The following SAMD5 variants were observed in gnomAD, a reference collection of about 807,000 sequenced individuals.
SAMD5 encodes sterile alpha motif domain containing 5, also known as sterile alpha motif domain-containing protein 5.
In SAMD5, 13 loss-of-function variants were observed where a neutral mutation model predicts 11.3. The observed-to-expected ratio is 1.15, with a 90% confidence interval of 0.75 to 1.83. The LOEUF is 1.83. SAMD5 is among the 40% of genes most tolerant of loss of function. The pLI is 0.00. For synonymous variants in SAMD5, 129 were observed against 111.3 expected (o/e 1.16, Z -1.00); for missense variants, 255 against 239.1 (o/e 1.07, Z -0.44).
intron 1 of SAMD5, among the ~76,000 whole-genome samples, chr6:147,656,012 C>T (rs1009486931): frequency 1.3e-5 from 2 of 152,048 alleles, no homozygotes; most frequent in Non-Finnish European, 2.9e-5. Context: ...AAAATGTAAA[C>T]AAACACCAGA....
intron 1 of SAMD5, among the ~76,000 whole-genome samples, chr6:147,580,783 A>G (rs1789286362): frequency 6.6e-6 from 1 of 151,822 alleles, no homozygotes; most frequent in African/African-American, 2.4e-5. Flanking sequence ...TAGCTTTTAA[A>G]GACATAAATT....
the SAMD5 span, among the ~76,000 whole-genome samples, chr6:147,818,266 T>C: frequency 6.6e-6 from 1 of 152,128 alleles, no homozygotes; most frequent in African/African-American, 2.4e-5. Flanking sequence ...TTTTGGAAAA[T>C]GAAGCTGACA....
At chr6:147,718,708 G>C (rs549020817) in intron 1 of SAMD5, among the ~76,000 whole-genome samples, 1 of 148,230 alleles carries the variant, frequency 6.7e-6, no homozygotes, top group Non-Finnish European at 1.5e-5. Flanking sequence ...TCTTTTTTTT[G>C]GAGGCAAAGT....
downstream of SAMD5, among the ~76,000 whole-genome samples, chr6:147,742,365 G>C (rs986798281): frequency 6.6e-6 from 1 of 151,864 alleles, no homozygotes; most frequent in Non-Finnish European, 1.5e-5. Flanking sequence ...GAATTGAAAT[G>C]ATTCTTTCCC....
chr6:147,681,337 G>GT (rs1260214840), intron 1 of SAMD5, among the ~76,000 whole-genome samples: 9 of 151,786 alleles, frequency 5.9e-5, no homozygotes, highest in Admixed American at 4.6e-4. Context: ...CATCCAGTAT[G>GT]TTTTTTTCAT....
the SAMD5 span, among the ~76,000 whole-genome samples, chr6:147,903,359 A>G: frequency 2.0e-5 from 3 of 152,174 alleles, no homozygotes; most frequent in African/African-American, 4.8e-5. Context: ...ATAAAAACTC[A>G]TCTGAGTCCA....
At chr6:147,614,563 G>A (rs1351935826) in intron 1 of SAMD5, among the ~76,000 whole-genome samples, 2 of 151,808 alleles carry the variant, frequency 1.3e-5, no homozygotes, top group African/African-American at 4.9e-5. Flanking sequence ...AGTAAAAGAA[G>A]CCAGACACAA....
At chr6:147,859,400 A>G in the SAMD5 span, among the ~76,000 whole-genome samples, 1 of 152,228 alleles carries the variant, frequency 6.6e-6, no homozygotes, top group Non-Finnish European at 1.5e-5. Context: ...TGTGGCTTAC[A>G]GAGAGAGAAA....
At chr6:147,920,764 G>T in the SAMD5 span, among the ~76,000 whole-genome samples, 1 of 152,160 alleles carries the variant, frequency 6.6e-6, no homozygotes, top group African/African-American at 2.4e-5. Context: ...TGGCATTACT[G>T]TTCAGGCAAT....
At chr6:147,874,165 C>T in the SAMD5 span, among the ~76,000 whole-genome samples, 1 of 152,162 alleles carries the variant, frequency 6.6e-6, no homozygotes, top group Non-Finnish European at 1.5e-5. Context: ...GGTGGGGAAA[C>T]AGGCTGATTG....
At chr6:147,788,402 G>C in the SAMD5 span, among the ~76,000 whole-genome samples, 41 of 152,248 alleles carry the variant, frequency 2.7e-4, no homozygotes, top group African/African-American at 9.9e-4. Context: ...ATTATATTGA[G>C]AGAAAATTGA....
the SAMD5 span, among the ~76,000 whole-genome samples, chr6:147,807,582 G>A: frequency 6.6e-6 from 1 of 151,924 alleles, no homozygotes; most frequent in Non-Finnish European, 1.5e-5. Flanking sequence ...TGGTCTTTTC[G>A]CCACACAGTA....
chr6:147,541,125 T>G (rs912856413), intron 1 of SAMD5, among the ~76,000 whole-genome samples: 2 of 151,906 alleles, frequency 1.3e-5, no homozygotes, highest in East Asian at 1.9e-4. Context: ...AATATTTGTA[T>G]TTTTAGTAGA....
At chr6:147,527,942 G>A (rs890579364) in intron 1 of SAMD5, among the ~76,000 whole-genome samples, 2 of 152,108 alleles carry the variant, frequency 1.3e-5, no homozygotes, top group Non-Finnish European at 1.5e-5. Flanking sequence ...AGGCAAAGCA[G>A]GAGCAGGCAT....
chr6:147,704,379 C>T (rs1170071813), intron 1 of SAMD5, among the ~76,000 whole-genome samples: 7 of 152,092 alleles, frequency 4.6e-5, no homozygotes, highest in African/African-American at 1.7e-4. Flanking sequence ...AGGCACAACT[C>T]TATTAAATTA....
At chr6:147,701,827 G>T (rs768099877) in intron 1 of SAMD5, among the ~76,000 whole-genome samples, 5 of 152,082 alleles carry the variant, frequency 3.3e-5, no homozygotes, top group Non-Finnish European at 2.9e-5. Context: ...GGTAAATAGA[G>T]CTTGAGAGAG....
intron 1 of SAMD5, among the ~76,000 whole-genome samples, chr6:147,659,679 A>T (rs768453715): frequency 2.6e-5 from 4 of 152,262 alleles, no homozygotes; most frequent in Non-Finnish European, 4.4e-5. Flanking sequence ...TTAAACAAAA[A>T]TGAGAGAAGT....
At chr6:147,546,796 G>C (rs1266383028) in intron 1 of SAMD5, among the ~76,000 whole-genome samples, 3 of 152,144 alleles carry the variant, frequency 2.0e-5, no homozygotes, top group Non-Finnish European at 4.4e-5. Flanking sequence ...AAAAATGCAT[G>C]GCATCTTTTA....
At chr6:147,878,780 A>G in the SAMD5 span, among the ~76,000 whole-genome samples, 8 of 151,980 alleles carry the variant, frequency 5.3e-5, no homozygotes, top group East Asian at 9.7e-4. Context: ...GACTAATATA[A>G]CACAAGCTCT....
Sources: gnomAD v4.1 joint callset for allele counts (sites outside exome capture counted in the v4.1 genomes callset) on GRCh38, gnomAD v4.1.1 for gene constraint, MANE v1.5 for transcripts, NCBI Gene and HGNC (gene_info 2026-07-23, HGNC 2026-07-21) for gene names.